The following CLVS1 variants were observed in gnomAD, a reference collection of about 807,000 sequenced individuals.
The protein encoded by CLVS1 is clavesin-1.
In CLVS1, 10 loss-of-function variants were observed where a neutral mutation model predicts 33.1. The ratio of observed to expected loss-of-function variants is 0.30; its 90% confidence interval spans 0.19 to 0.51. The LOEUF is 0.51. Ranked by LOEUF, CLVS1 falls within the 20% of genes least tolerant of loss-of-function variation. The probability of loss-of-function intolerance (pLI) is 0.97; values close to 1 mark genes in which losing one functional copy is unlikely to be tolerated. For synonymous variants in CLVS1, 163 were observed against 166.1 expected (o/e 0.98, Z 0.14); for missense variants, 343 against 433.4 (o/e 0.79, Z 1.85).
At chr8:61,018,881 G>C in the CLVS1 span, among the ~76,000 whole-genome samples, 1 of 152,220 alleles carries the variant, frequency 6.6e-6, no homozygotes, top group Non-Finnish European at 1.5e-5. Context: ...GAGCACAGCT[G>C]GTGGCAATTT....
At chr8:61,214,800 T>G (rs1438068711) in intron 2 of CLVS1, among the ~76,000 whole-genome samples, 1 of 152,208 alleles carries the variant, frequency 6.6e-6, no homozygotes, top group African/African-American at 2.4e-5. Flanking sequence ...GGGCAAAGAA[T>G]GCATTGACCA....
Position 61,062,469 on chromosome 8 carries a change from T to G in CLVS1, c.-243+5239T>G, listed in dbSNP as rs191503772. 1.0e-3 allele frequency among the ~76,000 whole-genome samples: 155 copies of G among 152,322 alleles called. 1 individual carries two copies. Among genetic ancestry groups the G allele is most frequent in the Non-Finnish European group, 1.9e-3 (131 of 68,022 alleles). ...TACTCCAGAGTTTCTCTACAGTCAG[T>G]AGGAAGACCACCCTACGTTCCTTAA... On this transcript the variant is annotated intron_variant, in intron 1 of 2. Transcript: ENST00000522621.
intron 2 of CLVS1, among the ~76,000 whole-genome samples, chr8:61,146,864 T>A (rs1488122366): frequency 1.3e-5 from 2 of 152,254 alleles, no homozygotes; most frequent in Admixed American, 6.5e-5. Flanking sequence ...ACAGCGTTTA[T>A]GTCATGGCAT....
chr8:61,480,550 C>G (rs541287215), intron 5 of CLVS1, among the ~76,000 whole-genome samples: 1 of 152,286 alleles, frequency 6.6e-6, no homozygotes, highest in East Asian at 1.9e-4. Context: ...TGATGCCTCA[C>G]CCTGCTTTGG....
chr8:61,099,338 G>A (rs1805407801), intron 1 of CLVS1, among the ~76,000 whole-genome samples: 1 of 152,056 alleles, frequency 6.6e-6, no homozygotes, highest in African/African-American at 2.4e-5. Context: ...GGCTGGAGAG[G>A]TAGAGTAGCA....
intron 5 of CLVS1, among the ~76,000 whole-genome samples, chr8:61,467,227 G>A (rs1284765084): frequency 6.6e-6 from 1 of 152,158 alleles, no homozygotes; most frequent in African/African-American, 2.4e-5. Context: ...AGAGAGTTCT[G>A]GGGACAGTGC....
At chr8:61,288,269 A>G (rs746312902) in intron 1 of CLVS1, 131 bp downstream of exon 1, 7 of 455,854 alleles carry the variant, frequency 1.5e-5, no homozygotes, top group South Asian at 6.2e-5. Context: ...ATCCCTCTGC[A>G]CTCCATCCCT....
the CLVS1 span, among the ~76,000 whole-genome samples, chr8:60,991,528 A>G: frequency 1.3e-5 from 2 of 152,202 alleles, no homozygotes; most frequent in Admixed American, 6.5e-5. Flanking sequence ...TACCCTTGGT[A>G]TATAATCAGA....
At chr8:61,116,585 A>G (rs902191122) in intron 1 of CLVS1, among the ~76,000 whole-genome samples, 1 of 152,172 alleles carries the variant, frequency 6.6e-6, no homozygotes, top group African/African-American at 2.4e-5. Context: ...AGCTTTCTAC[A>G]TATGGCTAGC....
At chr8:61,251,790 T>G (rs778972051) in intron 2 of CLVS1, among the ~76,000 whole-genome samples, 14 of 152,188 alleles carry the variant, frequency 9.2e-5, no homozygotes, top group Admixed American at 2.0e-4. Context: ...TGTATCTATT[T>G]GATCCTTCTC....
At chr8:61,482,095 G>A (rs1177678036) in intron 5 of CLVS1, among the ~76,000 whole-genome samples, 1 of 152,248 alleles carries the variant, frequency 6.6e-6, no homozygotes, top group African/African-American at 2.4e-5. Flanking sequence ...AGGGTCTGGA[G>A]TGGACCTCCA....
At chr8:61,286,742 A>T (rs947801927), upstream of CLVS1, among the ~76,000 whole-genome samples, 3 of 152,242 alleles carry the variant, frequency 2.0e-5, no homozygotes, top group Non-Finnish European at 4.4e-5. Context: ...ACTTTAAAAT[A>T]TTTAATAAGT....
intron 3 of CLVS1, among the ~76,000 whole-genome samples, chr8:61,416,819 C>T (rs1201719851): frequency 6.6e-6 from 1 of 152,170 alleles, no homozygotes; most frequent in Non-Finnish European, 1.5e-5. Context: ...TTACCGTAAT[C>T]TACCAGATTA....
At chr8:61,397,903 G>T (rs1253128437) in intron 3 of CLVS1, among the ~76,000 whole-genome samples, 1 of 152,014 alleles carries the variant, frequency 6.6e-6, no homozygotes, top group Non-Finnish European at 1.5e-5. Context: ...GATTATTATA[G>T]CTTTGCAATA....
Position 61,214,757 on chromosome 8 carries a change from T to C in CLVS1, c.-152+82897T>C, listed in dbSNP as rs138679959. ...ATTTCAGATGCCTGGGGTAACTTTATGGTTATAATTTGATCCATGTCTCTG... is the reference window on the plus strand; with the variant it reads ...ATTTCAGATGCCTGGGGTAACTTTACGGTTATAATTTGATCCATGTCTCTG... On this transcript the variant is annotated intron_variant, in intron 2 of 2. Coordinates refer to the CLVS1 transcript ENST00000522621. 3.3e-3 allele frequency among the ~76,000 whole-genome samples: 503 copies of C among 152,328 alleles called. 1 individual carries two copies. The highest frequency in any genetic ancestry group is 0.011 in the African/African-American group (467 of 41,576).
In CLVS1 at chr8:61,354,596, T is replaced by C. The variant is rs552831887; in HGVS notation, c.456-22009T>C. On this transcript the variant is annotated intron_variant, in intron 2 of 5. Transcript: ENST00000325897. ...ATCAGCACAGATGTCTAGCAACAGG[T>C]AAAATGGCTAAAAAAACTGGTACAT... Among the ~76,000 whole-genome samples, 22 of 152,104 alleles carry C rather than the reference T, an allele frequency of 1.4e-4. No individual in the cohort carries two copies. In the South Asian group the frequency reaches 4.4e-3, roughly 30 times the overall value.
chr8:61,360,481 T>G (rs1027873003), intron 2 of CLVS1, among the ~76,000 whole-genome samples: 1 of 152,152 alleles, frequency 6.6e-6, no homozygotes, highest in Non-Finnish European at 1.5e-5. Context: ...AATATTACCT[T>G]CTTCTAAGAG....
the CLVS1 span, among the ~76,000 whole-genome samples, chr8:61,039,441 G>GT: frequency 6.6e-6 from 1 of 152,194 alleles, no homozygotes; most frequent in African/African-American, 2.4e-5. Flanking sequence ...GCTCCTTCAG[G>GT]TAGCATGGTG....
intron 3 of CLVS1, among the ~76,000 whole-genome samples, chr8:61,444,741 A>C (rs80279356): frequency 6.6e-6 from 1 of 152,186 alleles, no homozygotes; most frequent in East Asian, 1.9e-4. Context: ...TGTGATTTTC[A>C]TAGGAAAGAA....
Sources: allele counts gnomAD v4.1 joint callset (sites outside exome capture counted in the v4.1 genomes callset), GRCh38; gene constraint gnomAD v4.1.1; transcripts MANE v1.5; gene names NCBI Gene and HGNC (gene_info 2026-07-23, HGNC 2026-07-21).